Variants in PACSIN2 observed in about 807,000 individuals in gnomAD.
The protein encoded by PACSIN2 is protein kinase C and casein kinase substrate in neurons 2, also known as protein kinase C and casein kinase substrate in neurons protein 2.
In PACSIN2, 25 loss-of-function variants were observed where a neutral mutation model predicts 63.8. The ratio of observed to expected loss-of-function variants is 0.39; its 90% CI spans 0.29 to 0.55. PACSIN2 has a LOEUF of 0.55. Among genes scored for constraint, PACSIN2 ranks in the 20% least tolerant of loss-of-function variants. The pLI is 0.62. For missense variants in PACSIN2, 518 were observed against 646.9 expected (o/e 0.80, Z 2.16); for synonymous variants, 255 against 256.2 (o/e 1.00, Z 0.05).
intron 1 of PACSIN2, among the ~76,000 whole-genome samples, chr22:42,982,879 A>AAAC (rs1922296441): frequency 7.5e-6 from 1 of 133,122 alleles, no homozygotes; most frequent in African/African-American, 2.9e-5. Flanking sequence ...TAAAAAAAAA[A>AAAC]AAAAAAAAAA....
chr22:42,954,378 A>C (rs9620106), intron 1 of PACSIN2, among the ~76,000 whole-genome samples: 2 of 152,126 alleles, frequency 1.3e-5, no homozygotes, highest in African/African-American at 4.8e-5. Flanking sequence ...ACACTTAAAA[A>C]GTAGTTAGTC....
Position 42,912,098 on chromosome 22 carries a change from G to C in PACSIN2, c.-18C>G, listed in dbSNP as rs1327442286. ...ACAGACATTTTTTCAAAGGCTGAGG[G>C]AGCAGCAAAGTATACTTAGTCAGGG... On this transcript the variant is annotated 5_prime_UTR_variant, in exon 2 of 11. Coordinates refer to ENST00000263246, the MANE Select transcript of PACSIN2 (RefSeq NM_001184970.3). 13 of 1,581,608 alleles carry C rather than the reference G, an allele frequency of 8.2e-6. No homozygotes were observed. The highest frequency in any genetic ancestry group is 1.4e-5 in the African/African-American group (1 of 73,236).
intron 1 of PACSIN2, among the ~76,000 whole-genome samples, chr22:42,987,546 T>TTTTTTTTTTTTTTG: frequency 7.1e-6 from 1 of 140,098 alleles, no homozygotes; most frequent in East Asian, 2.2e-4. Flanking sequence ...TTTTTTTTTT[T>TTTTTTTTTTTTTTG]TTGAGACAGG....
At chr22:42,976,998 A>G (rs942955093) in intron 1 of PACSIN2, among the ~76,000 whole-genome samples, 3 of 152,216 alleles carry the variant, frequency 2.0e-5, no homozygotes, top group Admixed American at 6.5e-5. Context: ...GTCATGAAAA[A>G]TTAATCTTTT....
intron 1 of PACSIN2, among the ~76,000 whole-genome samples, chr22:42,985,314 G>A (rs1041056569): frequency 1.3e-5 from 2 of 152,244 alleles, no homozygotes; most frequent in Admixed American, 6.5e-5. Flanking sequence ...CAGCTTTGGC[G>A]ACAGAGCGAG....
intron 1 of PACSIN2, among the ~76,000 whole-genome samples, chr22:42,994,336 C>A (rs1000163248): frequency 3.3e-5 from 5 of 152,188 alleles, no homozygotes; most frequent in Non-Finnish European, 5.9e-5. Context: ...AGGGACAACC[C>A]CAAACACACC....
At chr22:42,883,830 C>A (rs1331920546) in intron 6 of PACSIN2, among the ~76,000 whole-genome samples, 1 of 152,150 alleles carries the variant, frequency 6.6e-6, no homozygotes, top group African/African-American at 2.4e-5. Flanking sequence ...ATGGTGAAAC[C>A]CCATCTCTAC....
intron 1 of PACSIN2, among the ~76,000 whole-genome samples, chr22:42,918,817 A>C (rs550772294): frequency 1.1e-4 from 16 of 152,372 alleles, no homozygotes; most frequent in African/African-American, 3.8e-4. Flanking sequence ...TGGGCCTGTC[A>C]GGAAGTACTA....
chr22:42,877,620 C>T (rs945453742), intron 8 of PACSIN2, among the ~76,000 whole-genome samples: 6 of 152,324 alleles, frequency 3.9e-5, no homozygotes, highest in South Asian at 2.1e-4. Flanking sequence ...AAAATCCAGT[C>T]GTGCAACTGC....
chr22:42,918,273 T>C (rs1931942945), intron 1 of PACSIN2, among the ~76,000 whole-genome samples: 2 of 152,188 alleles, frequency 1.3e-5, no homozygotes, highest in Admixed American at 6.5e-5. Context: ...TCAAAAGCTA[T>C]TTGATGACTG....
At chr22:42,972,197 T>C (rs1160553841) in intron 1 of PACSIN2, among the ~76,000 whole-genome samples, 2 of 152,276 alleles carry the variant, frequency 1.3e-5, no homozygotes, top group Admixed American at 6.5e-5. Flanking sequence ...TGTTGATCTA[T>C]GGCCTTGCCC....
intron 1 of PACSIN2, among the ~76,000 whole-genome samples, chr22:43,011,061 T>C (rs754212917): frequency 3.3e-5 from 5 of 152,188 alleles, no homozygotes; most frequent in Non-Finnish European, 5.9e-5. Flanking sequence ...ATCTGAACAC[T>C]AAAATTCTGC....
intron 1 of PACSIN2, among the ~76,000 whole-genome samples, chr22:42,959,069 G>A (rs1283204677): frequency 6.6e-6 from 1 of 152,166 alleles, no homozygotes; most frequent in Non-Finnish European, 1.5e-5. Flanking sequence ...ACAGCCCTCA[G>A]AGGGGGACGA....
At chr22:43,006,289 G>A (rs572002804) in intron 1 of PACSIN2, among the ~76,000 whole-genome samples, 16 of 152,282 alleles carry the variant, frequency 1.1e-4, no homozygotes, top group African/African-American at 3.8e-4. Flanking sequence ...CCGCATCTTT[G>A]TTATAGCAGC....
chr22:42,949,771 T>C (rs1406709124), intron 1 of PACSIN2, among the ~76,000 whole-genome samples: 2 of 152,132 alleles, frequency 1.3e-5, no homozygotes, highest in African/African-American at 4.8e-5. Flanking sequence ...AGTTTGGCTG[T>C]CTCAAGACAT....
intron 1 of PACSIN2, among the ~76,000 whole-genome samples, chr22:42,977,252 T>C (rs533846498): frequency 1.1e-3 from 166 of 152,168 alleles, no homozygotes; most frequent in Non-Finnish European, 1.6e-3. Flanking sequence ...AAACAAACTA[T>C]AGAAACAATA....
intron 1 of PACSIN2, among the ~76,000 whole-genome samples, chr22:42,997,329 C>G (rs927268368): frequency 2.6e-5 from 4 of 152,064 alleles, no homozygotes; most frequent in African/African-American, 9.7e-5. Context: ...GAGGCAGAGG[C>G]GGGCAGATCA....
intron 1 of PACSIN2, among the ~76,000 whole-genome samples, chr22:42,977,269 G>A (rs1040243545): frequency 5.3e-5 from 8 of 152,142 alleles, no homozygotes; most frequent in Middle Eastern, 3.4e-3. Context: ...AATAGCTGGG[G>A]ACACATTTGC....
chr22:42,920,478 A>C (rs1932110780), intron 1 of PACSIN2, among the ~76,000 whole-genome samples: 1 of 152,346 alleles, frequency 6.6e-6, no homozygotes, highest in East Asian at 1.9e-4. Context: ...TAATGACATT[A>C]CAGCATGGCT....
Sources: gnomAD v4.1 joint callset for allele counts (sites outside exome capture counted in the v4.1 genomes callset) on GRCh38, gnomAD v4.1.1 for gene constraint, MANE v1.5 for transcripts, NCBI Gene and HGNC (gene_info 2026-07-23, HGNC 2026-07-21) for gene names.